Variants in CEACAM5 observed in about 807,000 individuals in gnomAD.
CEACAM5 encodes CEA cell adhesion molecule 5, also known as cell adhesion molecule CEACAM5.
In CEACAM5, 52 loss-of-function variants were observed where a neutral mutation model predicts 63.0. That is an observed-to-expected ratio of 0.83 (90% CI 0.66 to 1.04). The LOEUF is 1.04. Among genes scored for constraint, CEACAM5 ranks in the 50% least tolerant of loss-of-function variants. The pLI, the probability that CEACAM5 is intolerant of heterozygous loss-of-function variation, is 0.00. For missense variants in CEACAM5, 790 were observed against 864.8 expected (o/e 0.91, Z 1.08); for synonymous variants, 357 against 351.3 (o/e 1.02, Z -0.18).
rs1373278176 is a variant in CEACAM5, at chr19:41,729,637, T to C, written c.*490T>C. On this transcript the variant is annotated 3_prime_UTR_variant, in exon 10 of 10. Transcript: ENST00000221992. The stretch of plus-strand genomic sequence containing the variant: ...CAAGCAGAGAAAATAATTAATTTCA[T>C]GGGACTAAATGAACTAATGAGGATA... 6.6e-6 allele frequency: 1 copy of C among 152,206 alleles called. No homozygotes were observed. The highest frequency in any genetic ancestry group is 1.5e-5 in the Non-Finnish European group (1 of 68,028). 9.4% of individuals were successfully genotyped at this position (152,206 alleles called of 1,614,324 possible).
intron 4 of CEACAM5, 64 bp downstream of exon 4, chr19:41,715,968 A>G: frequency 6.4e-7 from 1 of 1,561,804 alleles, no homozygotes; most frequent in Non-Finnish European, 8.7e-7. Context: ...TTTTCAAACA[A>G]GAGCCAGGAA....
chr19:41,721,147 A>G lies in CEACAM5; in HGVS notation c.1997A>G (p.Asn666Ser), dbSNP rs781837493. 1 of 1,614,214 alleles carries G rather than the reference A, an allele frequency of 6.2e-7. No individual in the cohort carries two copies. Among genetic ancestry groups the G allele is most frequent in the Non-Finnish European group, 8.5e-7 (1 of 1,180,040 alleles). ...FVSNLATGRNNSIVKSITVSA... is the reference protein window; with the variant it reads ...FVSNLATGRNSSIVKSITVSA... ...TCTAACTTGGCTACTGGCCGCAATA[A>G]TTCCATAGTCAAGAGCATCACAGTC... The change falls in exon 8 of 10, where the codon AAT becomes AGT. Residue 666 changes from asparagine to serine, a missense_variant. Coordinates refer to ENST00000221992, the MANE Select transcript of CEACAM5 (RefSeq NM_004363.6).
chr19:41,709,537 GACACACAC>G (rs71334990), intron 1 of CEACAM5, 135 bp from the exon 2 acceptor site: 326 of 1,115,160 alleles, frequency 2.9e-4, no homozygotes, highest in Non-Finnish European at 2.8e-4. Context: ...GACCTAGTAG[GACACACAC>G]ACACACACAC....
At position 41,715,031 on chromosome 19, in the gene CEACAM5, C is replaced by T. The variant is rs902700262; in HGVS notation, c.485C>T (p.Ala162Val). Residue 162 changes from alanine to valine, a missense_variant, in exon 3 of 10, where the codon GCT becomes GTT. Coordinates refer to ENST00000221992, the MANE Select transcript of CEACAM5 (RefSeq NM_004363.6). ...NNSKPVEDKD[A>V]VAFTCEPETQ... ...TCCAAACCCGTGGAGGACAAGGATG[C>T]TGTGGCCTTCACCTGTGAACCTGAG... 10 of 1,614,218 alleles carry T rather than the reference C, an allele frequency of 6.2e-6. No individual in the cohort carries two copies. Among genetic ancestry groups the T allele is most frequent in the Non-Finnish European group, 8.5e-6 (10 of 1,180,036 alleles).
intron 7 of CEACAM5, among the ~76,000 whole-genome samples, chr19:41,720,486 G>T (rs1352757543): frequency 2.0e-5 from 3 of 151,800 alleles, no homozygotes; most frequent in African/African-American, 7.3e-5. Flanking sequence ...TGGACATGAG[G>T]GTTATGGTTT....
chr19:41,709,218 C>A (rs112637399), intron 1 of CEACAM5, among the ~76,000 whole-genome samples: 1 of 152,224 alleles, frequency 6.6e-6, no homozygotes, highest in African/African-American at 2.4e-5. Flanking sequence ...ACCAAGATCA[C>A]ACAAATCCCT....
At chr19:41,720,631 C>T (rs1325754158) in intron 7 of CEACAM5, among the ~76,000 whole-genome samples, 5 of 151,812 alleles carry the variant, frequency 3.3e-5, no homozygotes, top group South Asian at 2.1e-4. Context: ...CTCAGCCTCC[C>T]GAGTAACTGG....
At position 41,709,825 on chromosome 19, in the gene CEACAM5, T is replaced by C. The variant is rs10402825; in HGVS notation, c.210T>C (p.Gly70=). Reference sequence around the variant, plus strand: ...TTTTTGGCTACAGCTGGTACAAAGGTGAAAGAGTGGATGGCAACCGTCAAA... The same window carrying C: ...TTTTTGGCTACAGCTGGTACAAAGGCGAAAGAGTGGATGGCAACCGTCAAA... ...QHLFGYSWYK[G]ERVDGNRQII... is the part of the protein sequence containing the mutation. The change falls in exon 2 of 10, where the codon GGT becomes GGC. Residue 70 remains glycine, a synonymous_variant. Coordinates refer to ENST00000221992, the MANE Select transcript of CEACAM5 (RefSeq NM_004363.6). 0.16 allele frequency: 260,573 copies of C among 1,613,572 alleles called. 24,126 individuals carry two copies. Among genetic ancestry groups the C allele is most frequent in the African/African-American group, 0.3 (22,415 of 74,756 alleles).
intron 6 of CEACAM5, 80 bp downstream of exon 6, chr19:41,718,462 T>G: frequency 6.5e-7 from 1 of 1,536,098 alleles, no homozygotes; most frequent in Non-Finnish European, 8.9e-7. Context: ...AGGAAGAAAT[T>G]TTCTTTCCTA....
chr19:41,730,160 C>T lies in CEACAM5; in HGVS notation c.*1013C>T, dbSNP rs1440086564. ...TGTGGGCCGGGCGCGGTGGCTCACG[C>T]CTGTAATCCCAGCACTTTGATCCGC... On this transcript the variant is annotated 3_prime_UTR_variant, in exon 10 of 10. Transcript: ENST00000221992. Among the ~76,000 whole-genome samples the T allele has an allele frequency of 6.6e-6, 1 of 152,192 alleles. No individual in the cohort carries two copies. Among genetic ancestry groups the T allele is most frequent in the African/African-American group, 2.4e-5 (1 of 41,450 alleles).
chr19:41,714,401 C>T (rs782130481), intron 2 of CEACAM5, among the ~76,000 whole-genome samples: 5 of 152,214 alleles, frequency 3.3e-5, no homozygotes, highest in Admixed American at 6.5e-5. Context: ...CACTGCCTAA[C>T]GACTGAGCTG....
At chr19:41,717,326 C>A in intron 4 of CEACAM5, 129 bp from the exon 5 acceptor site, 2 of 992,348 alleles carry the variant, frequency 2.0e-6, no homozygotes, top group Non-Finnish European at 3.0e-6. Flanking sequence ...GTGACGCACA[C>A]ACACCTGCCA....
intron 8 of CEACAM5, among the ~76,000 whole-genome samples, chr19:41,722,587 T>C (rs2072640198): frequency 6.6e-6 from 1 of 152,214 alleles, no homozygotes; most frequent in East Asian, 1.9e-4. Context: ...TGGAATTATA[T>C]AATAGTTGTC....
At position 41,730,286 on chromosome 19, in the gene CEACAM5, G is replaced by T. The variant is rs1247189559; in HGVS notation, c.*1139G>T. Among the ~76,000 whole-genome samples the T allele has an allele frequency of 2.0e-5, 3 of 152,092 alleles. No individual in the cohort carries two copies. Among genetic ancestry groups the T allele is most frequent in the Non-Finnish European group, 4.4e-5 (3 of 68,016 alleles). ...ATACAAAAAAAGTTAGCCGGGCGTG[G>T]TGGTGGGGGCCTGTAGTCCCAGCTA... is the stretch of plus-strand genomic sequence containing the variant. On this transcript the variant is annotated 3_prime_UTR_variant, in exon 10 of 10. Coordinates refer to ENST00000221992, the MANE Select transcript of CEACAM5 (RefSeq NM_004363.6).
At chr19:41,714,118 G>A (rs2072480947) in intron 2 of CEACAM5, among the ~76,000 whole-genome samples, 1 of 152,190 alleles carries the variant, frequency 6.6e-6, no homozygotes, top group Admixed American at 6.5e-5. Flanking sequence ...GGGAGGCTGA[G>A]ACAGGAGAAT....
chr19:41,722,868 G>C (rs2072643948), intron 8 of CEACAM5, among the ~76,000 whole-genome samples: 1 of 152,068 alleles, frequency 6.6e-6, no homozygotes, highest in Non-Finnish European at 1.5e-5. Context: ...AATGGAATTG[G>C]TAGATCAAAT....
Position 41,721,010 on chromosome 19 carries a change from C to A in CEACAM5, c.1860C>A (p.Asn620Lys). The A allele has an allele frequency of 6.2e-7, 1 of 1,614,190 alleles. No homozygotes were observed. Among genetic ancestry groups the A allele is most frequent in the Non-Finnish European group, 8.5e-7 (1 of 1,180,044 alleles). Residue 620 changes from asparagine (N) to lysine (K), a missense_variant, in exon 8 of 10, where the codon AAC becomes AAA. Transcript: ENST00000221992. ...NLNLSCHSAS[N>K]PSPQYSWRIN... ...ACCTCTCCTGCCACTCGGCCTCTAA[C>A]CCATCCCCGCAGTATTCTTGGCGTA...
intron 1 of CEACAM5, among the ~76,000 whole-genome samples, chr19:41,709,225 C>T (rs2072392194): frequency 6.6e-6 from 1 of 152,186 alleles, no homozygotes; most frequent in African/African-American, 2.4e-5. Flanking sequence ...TCACACAAAT[C>T]CCTGCCCTCA....
chr19:41,713,040 C>T lies in CEACAM5; in HGVS notation c.425-1931C>T, dbSNP rs148978626. On this transcript the variant is annotated intron_variant, in intron 2 of 9. Transcript: ENST00000221992. ...GCTCACTGAAGGCCGGGCACGGTGG[C>T]TCATGCCTGTAATCCCAGCACTTCG... Among the ~76,000 whole-genome samples the T allele has an allele frequency of 7.4e-3, 1,125 of 152,326 alleles. 13 individuals carry two copies. The highest frequency in any genetic ancestry group is 0.026 in the African/African-American group (1,083 of 41,562).
Sources: gnomAD v4.1 joint callset for allele counts (sites outside exome capture counted in the v4.1 genomes callset) on GRCh38, gnomAD v4.1.1 for gene constraint, MANE v1.5 for transcripts, NCBI Gene and HGNC (gene_info 2026-07-23, HGNC 2026-07-21) for gene names.